Variants in AGBL1 observed in about 807,000 individuals in gnomAD.
The protein encoded by AGBL1 is AGBL carboxypeptidase 1.
A neutral mutation model predicts 118.9 loss-of-function variants in AGBL1; 130 were observed. The observed-to-expected ratio is 1.09, with a 90% CI of 0.95 to 1.26. The LOEUF is 1.26. Among genes scored for constraint, AGBL1 ranks in the 50% most tolerant of loss-of-function variants. The pLI, the probability that AGBL1 is intolerant of heterozygous loss-of-function variation, is 0.00. For missense variants in AGBL1, 1,584 were observed against 1,298.1 expected (o/e 1.22, Z -3.38); for synonymous variants, 555 against 478.9 (o/e 1.16, Z -2.08).
At chr15:86,921,881 T>C (rs2080485085) in intron 23 of AGBL1, among the ~76,000 whole-genome samples, 1 of 152,194 alleles carries the variant, frequency 6.6e-6, no homozygotes, top group South Asian at 2.1e-4. Context: ...GCAGTTGATC[T>C]AGTAACGACA....
At chr15:86,336,407 T>C (rs1198980925) in intron 17 of AGBL1, among the ~76,000 whole-genome samples, 5 of 152,224 alleles carry the variant, frequency 3.3e-5, no homozygotes, top group Admixed American at 6.5e-5. Context: ...TATAAACTTA[T>C]TATGAAGCAT....
At chr15:86,990,508 C>T (rs1013987692) in intron 24 of AGBL1, among the ~76,000 whole-genome samples, 1 of 151,010 alleles carries the variant, frequency 6.6e-6, no homozygotes, top group African/African-American at 2.4e-5. Context: ...AGCAAGACTC[C>T]ATCTCAGAAA....
chr15:86,717,494 A>G (rs1377095), intron 22 of AGBL1, among the ~76,000 whole-genome samples: 48,680 of 151,934 alleles, frequency 0.32, 9,266 homozygotes, highest in Non-Finnish European at 0.43. Flanking sequence ...AGATAAGCAC[A>G]TTTAGTTCTT....
intron 21 of AGBL1, among the ~76,000 whole-genome samples, chr15:86,555,027 G>C (rs1048247867): frequency 3.3e-5 from 5 of 152,188 alleles, no homozygotes; most frequent in African/African-American, 9.6e-5. Context: ...GCACACAAAA[G>C]TGTGTGCATG....
intron 22 of AGBL1, among the ~76,000 whole-genome samples, chr15:86,893,513 C>A (rs538715694): frequency 1.3e-5 from 2 of 152,232 alleles, no homozygotes; most frequent in Admixed American, 6.5e-5. Flanking sequence ...TAATTAAGAT[C>A]GTCATATCTC....
At chr15:86,254,682 G>A (rs567892709) in intron 7 of AGBL1, among the ~76,000 whole-genome samples, 9 of 152,288 alleles carry the variant, frequency 5.9e-5, no homozygotes, top group African/African-American at 2.2e-4. Context: ...ATTTCCTGGA[G>A]TCTTGTCTTT....
chr15:86,705,920 A>G (rs1327323777), intron 22 of AGBL1, among the ~76,000 whole-genome samples: 1 of 152,162 alleles, frequency 6.6e-6, no homozygotes, highest in East Asian at 1.9e-4. Context: ...TATGTGGAGA[A>G]GTACTTGCAA....
At chr15:86,753,178 A>G (rs575254789) in intron 22 of AGBL1, among the ~76,000 whole-genome samples, 1 of 152,096 alleles carries the variant, frequency 6.6e-6, no homozygotes, top group African/African-American at 2.4e-5. Context: ...GTGTATGATT[A>G]TATTATGTGG....
intron 1 of AGBL1, among the ~76,000 whole-genome samples, chr15:86,120,119 A>G (rs1459432207): frequency 2.0e-5 from 3 of 151,632 alleles, no homozygotes; most frequent in African/African-American, 7.3e-5. Context: ...TAAAATCTAA[A>G]CTCCCCATTA....
chr15:86,607,841 A>C (rs1277839228), intron 21 of AGBL1, among the ~76,000 whole-genome samples: 1 of 152,168 alleles, frequency 6.6e-6, no homozygotes, highest in Admixed American at 6.5e-5. Flanking sequence ...TAGAGGAACA[A>C]CTGTTATGCA....
chr15:86,386,955 G>A (rs1308657595), intron 17 of AGBL1, among the ~76,000 whole-genome samples: 2 of 152,168 alleles, frequency 1.3e-5, no homozygotes, highest in Admixed American at 6.5e-5. Context: ...TGGGCATGGA[G>A]GAGTTAATGA....
intron 22 of AGBL1, among the ~76,000 whole-genome samples, chr15:86,831,600 AT>A (rs1472247536): frequency 1.3e-5 from 2 of 152,216 alleles, no homozygotes; most frequent in Non-Finnish European, 2.9e-5. Flanking sequence ...CATCCAGGTC[AT>A]GCTGATGCAA....
chr15:86,716,155 G>A (rs2142704919), intron 22 of AGBL1, among the ~76,000 whole-genome samples: 1 of 152,092 alleles, frequency 6.6e-6, no homozygotes, highest in African/African-American at 2.4e-5. Context: ...TTTAAAGTGT[G>A]CTAGGGATTT....
chr15:86,660,949 A>C (rs1596346044), intron 21 of AGBL1, among the ~76,000 whole-genome samples: 1 of 152,280 alleles, frequency 6.6e-6, no homozygotes, highest in Non-Finnish European at 1.5e-5. Flanking sequence ...AATGCTCAGA[A>C]CTTGAATGCC....
intron 24 of AGBL1, among the ~76,000 whole-genome samples, chr15:86,998,713 A>G (rs2081403114): frequency 6.6e-6 from 1 of 152,202 alleles, no homozygotes; most frequent in Non-Finnish European, 1.5e-5. Flanking sequence ...GGTTGTAACA[A>G]TCATTCTGCA....
chr15:86,609,810 C>T (rs1326574079), intron 21 of AGBL1, among the ~76,000 whole-genome samples: 1 of 152,078 alleles, frequency 6.6e-6, no homozygotes, highest in Non-Finnish European at 1.5e-5. Context: ...GCAAAACAAC[C>T]CAGGTACTCA....
intron 22 of AGBL1, among the ~76,000 whole-genome samples, chr15:86,877,014 A>C (rs2079819601): frequency 6.6e-6 from 1 of 152,164 alleles, no homozygotes; most frequent in Non-Finnish European, 1.5e-5. Context: ...GTCTAGGAAA[A>C]AGCATTCAGA....
intron 18 of AGBL1, among the ~76,000 whole-genome samples, chr15:86,438,518 A>T (rs544761267): frequency 3.7e-4 from 56 of 152,312 alleles, no homozygotes; most frequent in Non-Finnish European, 6.3e-4. Flanking sequence ...AAAATACATG[A>T]CATCTAGTTA....
intron 5 of AGBL1, among the ~76,000 whole-genome samples, chr15:86,192,414 C>T (rs1037189895): frequency 2.0e-5 from 3 of 151,180 alleles, no homozygotes; most frequent in African/African-American, 4.9e-5. Context: ...TCCAATAATG[C>T]AATGTACATA....
Sources: allele counts gnomAD v4.1 joint callset (sites outside exome capture counted in the v4.1 genomes callset), GRCh38; gene constraint gnomAD v4.1.1; transcripts MANE v1.5; gene names NCBI Gene and HGNC (gene_info 2026-07-23, HGNC 2026-07-21).